The following DNAH6 variants were observed in gnomAD, a reference collection of about 807,000 sequenced individuals.
DNAH6 encodes dynein axonemal heavy chain 6.
DNAH6 carries 340 observed loss-of-function variants against 491.4 expected under a neutral mutation model. The observed-to-expected ratio is 0.69, with a 90% CI of 0.63 to 0.76. The LOEUF is 0.76. Ranked by LOEUF, DNAH6 falls within the 30% of genes least tolerant of loss-of-function variation. The pLI, the probability that DNAH6 is intolerant of heterozygous loss-of-function variation, is 0.00. For synonymous variants in DNAH6, 1,603 were observed against 1,686.1 expected (o/e 0.95, Z 1.21); for missense variants, 4,443 against 4,972.2 (o/e 0.89, Z 3.20).
At position 84,621,227 on chromosome 2, in the gene DNAH6, G is replaced by A; in HGVS notation, c.3829G>A (p.Val1277Ile). ...LGKGLKARGN[V>I]EEWLGKVEEA... The stretch of plus-strand genomic sequence containing the variant: ...GAAAGGCCTCAAGGCCCGAGGCAAT[G>A]TAGAGGAATGGCTTGGTAAAGTGGA... Residue 1277 changes from valine (V) to isoleucine (I), a missense_variant, in exon 25 of 77, where the codon GTA (valine) becomes ATA (isoleucine). Physicochemically the swap from Val to Ile is conservative, Grantham distance 29. Around this residue, in one of 3 missense-constraint regions of DNAH6, gnomAD observed 2,977 missense variants for 3,296.6 expected, o/e 0.90. Coordinates refer to ENST00000389394, the MANE Select transcript of DNAH6 (RefSeq NM_001370.2). The A allele has an allele frequency of 6.4e-7, 1 of 1,551,642 alleles. No individual in the cohort carries two copies. Among genetic ancestry groups the A allele is most frequent in the Non-Finnish European group, 8.7e-7 (1 of 1,146,894 alleles).
chr2:84,805,645 G>A lies in DNAH6; in HGVS notation c.11482-20G>A. ...TGAGAATTTGAGTCTTCACTGTTCT[G>A]TCTCTTATTGCCATTACAGTACAAA... is the stretch of plus-strand genomic sequence containing the variant. On this transcript the variant is annotated intron_variant, in intron 70 of 76. Transcript: ENST00000389394. 6.5e-7 allele frequency: 1 copy of A among 1,535,842 alleles called. No homozygotes were observed. Among genetic ancestry groups the A allele is most frequent in the Non-Finnish European group, 8.8e-7 (1 of 1,140,432 alleles).
chr2:84,644,068 T>C (rs1334024400), intron 33 of DNAH6, among the ~76,000 whole-genome samples: 3 of 152,184 alleles, frequency 2.0e-5, no homozygotes, highest in Admixed American at 6.5e-5. Flanking sequence ...GAAAGTGTTC[T>C]ATTGTCCTAG....
the DNAH6 span, among the ~76,000 whole-genome samples, chr2:84,505,967 A>AT: frequency 2.0e-4 from 30 of 152,230 alleles, no homozygotes; most frequent in Admixed American, 6.5e-5. Context: ...ATTGTTGGAC[A>AT]TTTGGGTTGG....
chr2:84,777,013 C>CATGGAGTGGAGTGA (rs1225599193), intron 64 of DNAH6, among the ~76,000 whole-genome samples: 7 of 152,188 alleles, frequency 4.6e-5, no homozygotes, highest in African/African-American at 1.7e-4. Flanking sequence ...CCAAACACCG[C>CATGGAGTGGAGTGA]ATGTTCTCAC....
chr2:84,495,312 A>G, the DNAH6 span, among the ~76,000 whole-genome samples: 4 of 152,066 alleles, frequency 2.6e-5, no homozygotes, highest in Admixed American at 1.3e-4. Flanking sequence ...ACTGGCATGC[A>G]CCACCATGCC....
chr2:84,491,937 C>T, the DNAH6 span, among the ~76,000 whole-genome samples: 40 of 152,104 alleles, frequency 2.6e-4, 2 homozygotes. Context: ...ACTTGGCTGC[C>T]CACACATTCA....
the DNAH6 span, among the ~76,000 whole-genome samples, chr2:84,468,723 A>G: frequency 6.6e-6 from 1 of 152,212 alleles, no homozygotes; most frequent in African/African-American, 2.4e-5. Flanking sequence ...AGCATGGGGC[A>G]GTCTCCATTT....
intron 64 of DNAH6, among the ~76,000 whole-genome samples, chr2:84,764,567 A>G (rs1316739006): frequency 6.6e-6 from 1 of 152,216 alleles, no homozygotes; most frequent in Non-Finnish European, 1.5e-5. Context: ...GGCATCTTCA[A>G]TAGCTCAACA....
At chr2:84,712,123 C>T (rs1185598549) in intron 56 of DNAH6, among the ~76,000 whole-genome samples, 2 of 152,234 alleles carry the variant, frequency 1.3e-5, no homozygotes, top group Non-Finnish European at 2.9e-5. Flanking sequence ...TAGCTGCTTT[C>T]TACATTTGCT....
intron 36 of DNAH6, among the ~76,000 whole-genome samples, 177 bp downstream of exon 36, chr2:84,658,651 T>C (rs551769983): frequency 9.2e-5 from 14 of 152,260 alleles, no homozygotes; most frequent in Admixed American, 2.0e-4. Flanking sequence ...AATGTTAGCA[T>C]GTATAGTTTA....
intron 26 of DNAH6, among the ~76,000 whole-genome samples, chr2:84,623,794 T>C (rs1687611907): frequency 6.6e-6 from 1 of 152,244 alleles, no homozygotes; most frequent in African/African-American, 2.4e-5. Flanking sequence ...TGAAAATGTT[T>C]TCATTTAACC....
intron 2 of DNAH6, among the ~76,000 whole-genome samples, chr2:84,525,307 C>T (rs879846617): frequency 6.6e-6 from 1 of 151,934 alleles, no homozygotes; most frequent in Non-Finnish European, 1.5e-5. Context: ...TGAGCCTTTT[C>T]TGTTGTAATT....
chr2:84,778,042 G>A, intron 64 of DNAH6: 1 of 1,011,280 alleles, frequency 9.9e-7, no homozygotes. Context: ...TAAGGAAAAG[G>A]CTGCCATGTT....
At chr2:84,633,696 CT>C (rs879869411) in intron 29 of DNAH6, among the ~76,000 whole-genome samples, 227 of 145,168 alleles carry the variant, frequency 1.6e-3, no homozygotes, top group East Asian at 4.2e-3. Context: ...CATATTCCAG[CT>C]TTTTTTTTTT....
intron 16 of DNAH6, among the ~76,000 whole-genome samples, chr2:84,589,209 G>A (rs1286151050): frequency 6.6e-6 from 1 of 152,164 alleles, no homozygotes; most frequent in African/African-American, 2.4e-5. Context: ...TTCAGACAAG[G>A]AACTGTACTT....
In DNAH6 at chr2:84,611,766, G is replaced by C. The variant is rs1445239198; in HGVS notation, c.3387G>C (p.Lys1129Asn). The C allele has an allele frequency of 6.4e-7, 1 of 1,551,188 alleles. No individual in the cohort carries two copies. The change falls in exon 22 of 77, where the codon AAG (lysine) becomes AAC (asparagine). Residue 1129 changes from lysine to asparagine, a missense_variant. By Grantham distance (94) the Lys-to-Asn change is moderately conservative (BLOSUM62 0). Transcript: ENST00000389394. ...DIQRQLPAEAKMFLQVDKSWK... is the reference protein window; with the variant it reads ...DIQRQLPAEANMFLQVDKSWK... ...AGAGGCAATTGCCTGCAGAGGCCAAGATGTTCCTTCAGGTGGATAAGTCAT... is the reference window on the plus strand; with the variant it reads ...AGAGGCAATTGCCTGCAGAGGCCAACATGTTCCTTCAGGTGGATAAGTCAT...
chr2:84,642,430 A>G (rs72922758), intron 33 of DNAH6, among the ~76,000 whole-genome samples: 1 of 152,044 alleles, frequency 6.6e-6, no homozygotes, highest in Non-Finnish European at 1.5e-5. Context: ...CACGTTATAC[A>G]TGTATATAGT....
intron 40 of DNAH6, among the ~76,000 whole-genome samples, chr2:84,672,935 G>A (rs923323294): frequency 5.3e-5 from 8 of 152,178 alleles, no homozygotes; most frequent in Non-Finnish European, 1.0e-4. Context: ...GTAATTCAGT[G>A]TATTCAGTCT....
At chr2:84,758,267 G>C (rs1489303990) in intron 63 of DNAH6, among the ~76,000 whole-genome samples, 2 of 152,170 alleles carry the variant, frequency 1.3e-5, no homozygotes, top group Non-Finnish European at 2.9e-5. Flanking sequence ...TAAGTTATTT[G>C]TGTTTTGTAT....
Sources: allele counts gnomAD v4.1 joint callset (sites outside exome capture counted in the v4.1 genomes callset), GRCh38; gene constraint gnomAD v4.1.1; regional missense constraint gnomAD v4.1.1; transcripts MANE v1.5; gene names NCBI Gene and HGNC (gene_info 2026-07-23, HGNC 2026-07-21).